DPYD: variants seen among roughly 807,000 people sequenced by gnomAD.
DPYD encodes the protein dihydropyrimidine dehydrogenase.
In DPYD, 109 loss-of-function variants were observed where a neutral mutation model predicts 116.2. That is an observed-to-expected ratio of 0.94 (90% CI 0.80 to 1.10). DPYD has a LOEUF of 1.10. DPYD is among the 50% of genes least tolerant of loss of function. The pLI is 0.00. For synonymous variants in DPYD, 440 were observed against 432.0 expected (o/e 1.02, Z -0.23); for missense variants, 1,302 against 1,254.5 (o/e 1.04, Z -0.57).
intron 14 of DPYD, among the ~76,000 whole-genome samples, chr1:97,395,614 T>A (rs559245840): frequency 6.6e-6 from 1 of 152,136 alleles, no homozygotes; most frequent in South Asian, 2.1e-4. Flanking sequence ...CGTGGTAGAT[T>A]GTTTGAAAAA....
intron 20 of DPYD, among the ~76,000 whole-genome samples, chr1:97,161,275 G>T: frequency 6.6e-6 from 1 of 152,196 alleles, no homozygotes; most frequent in East Asian, 1.9e-4. Flanking sequence ...CACTATTGTT[G>T]AATGTTTTCA....
rs1558015246 is a variant in DPYD, at chr1:97,306,251, A to G, written c.2105T>C (p.Val702Ala). The G allele has an allele frequency of 3.7e-6, 6 of 1,612,566 alleles. No individual in the cohort carries two copies. The highest frequency in any genetic ancestry group is 5.1e-6 in the Non-Finnish European group (6 of 1,178,938). Residue 702 changes from valine to alanine, a missense_variant, in exon 17 of 23, where the codon GTT (valine) becomes GCT (alanine). Val to Ala is a moderately conservative substitution (Grantham distance 64). Coordinates refer to ENST00000370192, the MANE Select transcript of DPYD (RefSeq NM_000110.4). ...CAGCTTGGCAAAAAAAGGAATCTGAACAGCTTGCCTAACCCAGCGGCAGAT... is the reference window on the plus strand; with the variant it reads ...CAGCTTGGCAAAAAAAGGAATCTGAGCAGCTTGCCTAACCCAGCGGCAGAT... The part of the protein sequence containing the change: ...RNICRWVRQA[V>A]QIPFFAKLTP...
At chr1:97,565,906 G>A (rs185636956) in intron 11 of DPYD, among the ~76,000 whole-genome samples, 7 of 152,232 alleles carry the variant, frequency 4.6e-5, no homozygotes, top group South Asian at 2.1e-4. Flanking sequence ...CATCATTTAC[G>A]AAGATGAGAA....
At chr1:97,742,707 G>C (rs1382609575) in intron 3 of DPYD, among the ~76,000 whole-genome samples, 1 of 152,276 alleles carries the variant, frequency 6.6e-6, no homozygotes, top group African/African-American at 2.4e-5. Flanking sequence ...ATGTGTAACT[G>C]TCATGTGGAT....
At position 97,515,945 on chromosome 1, in the gene DPYD, C is replaced by A. The variant is rs776943635; in HGVS notation, c.1525-4G>T. ...AAACGGAAGCTCCATATTGTGACTG[C>A]AAAATACAAACCAATACTTGGTTTC... On this transcript the variant is annotated splice_polypyrimidine_tract_variant and splice_region_variant and intron_variant, in intron 12 of 22. Transcript: ENST00000370192. 3.1e-6 allele frequency: 5 copies of A among 1,611,118 alleles called. No homozygotes were observed. Among genetic ancestry groups the A allele is most frequent in the South Asian group, 1.1e-5 (1 of 91,004 alleles).
At chr1:97,152,543 A>C (rs1655108024) in intron 20 of DPYD, among the ~76,000 whole-genome samples, 1 of 151,336 alleles carries the variant, frequency 6.6e-6, no homozygotes, top group Non-Finnish European at 1.5e-5. Flanking sequence ...TATCTATTAA[A>C]TTATAATATT....
intron 20 of DPYD, among the ~76,000 whole-genome samples, chr1:97,191,054 A>T (rs1170595179): frequency 1.3e-5 from 2 of 151,114 alleles, no homozygotes; most frequent in African/African-American, 4.8e-5. Context: ...AAAGACACAC[A>T]CACACATACA....
intron 18 of DPYD, among the ~76,000 whole-genome samples, chr1:97,237,476 A>T (rs1039054888): frequency 2.0e-5 from 3 of 152,144 alleles, no homozygotes; most frequent in African/African-American, 7.2e-5. Flanking sequence ...TTCATAATAG[A>T]CATTTTGGAT....
intron 8 of DPYD, among the ~76,000 whole-genome samples, chr1:97,599,920 C>A (rs1655144730): frequency 6.9e-6 from 1 of 144,576 alleles, no homozygotes; most frequent in Non-Finnish European, 1.5e-5. Flanking sequence ...CTGGCTCATG[C>A]CTGTAATCCC....
intron 13 of DPYD, 124 bp from the exon 14 acceptor site, chr1:97,450,347 T>G (rs1676344404): frequency 1.1e-6 from 1 of 950,648 alleles, no homozygotes. Flanking sequence ...CAGAGGAATT[T>G]TTAATATACA....
At chr1:97,556,927 C>T (rs1220412682) in intron 11 of DPYD, among the ~76,000 whole-genome samples, 1 of 150,336 alleles carries the variant, frequency 6.7e-6, no homozygotes, top group African/African-American at 2.4e-5. Context: ...TGAGGAATTG[C>T]CACACTGACT....
In DPYD at chr1:97,096,322, G is replaced by T. The variant is rs1019617624; in HGVS notation, c.2766+2167C>A. 3.9e-5 allele frequency among the ~76,000 whole-genome samples: 6 copies of T among 152,126 alleles called. No homozygotes were observed. The South Asian group carries it at 1.2e-3, about 32-fold the overall frequency. ...CTGAAAGATTTGAGGGCTAGAAAAG[G>T]TAAAAATGCTTTCATAATCATATTG... On this transcript the variant is annotated intron_variant, in intron 21 of 22. Transcript: ENST00000370192.
intron 13 of DPYD, among the ~76,000 whole-genome samples, chr1:97,487,564 T>C (rs1678717258): frequency 6.6e-6 from 1 of 152,008 alleles, no homozygotes; most frequent in African/African-American, 2.4e-5. Flanking sequence ...TCCCAGCTAC[T>C]CGGGAGGCTG....
intron 1 of DPYD, among the ~76,000 whole-genome samples, chr1:97,885,137 G>C (rs1050257885): frequency 1.3e-5 from 2 of 151,958 alleles, no homozygotes; most frequent in African/African-American, 4.8e-5. Context: ...AAGGGGACCT[G>C]AGAATGCAAT....
intron 20 of DPYD, among the ~76,000 whole-genome samples, chr1:97,160,872 T>A (rs1294175671): frequency 6.6e-6 from 1 of 152,168 alleles, no homozygotes; most frequent in Non-Finnish European, 1.5e-5. Context: ...AATTCAGGCC[T>A]GGTCACTATT....
At chr1:97,483,517 A>T (rs1214511602) in intron 13 of DPYD, among the ~76,000 whole-genome samples, 2 of 152,132 alleles carry the variant, frequency 1.3e-5, no homozygotes, top group African/African-American at 2.4e-5. Flanking sequence ...GGTGGGGAGA[A>T]CATTAGGGAA....
chr1:97,736,411 A>T (rs1417951304), intron 4 of DPYD, among the ~76,000 whole-genome samples: 1 of 152,118 alleles, frequency 6.6e-6, no homozygotes, highest in Non-Finnish European at 1.5e-5. Context: ...GCAACAAAAA[A>T]AAAACCCTTT....
chr1:97,860,771 T>C (rs892680642), intron 2 of DPYD, among the ~76,000 whole-genome samples: 1 of 151,872 alleles, frequency 6.6e-6, no homozygotes, highest in Admixed American at 6.6e-5. Flanking sequence ...AAAACAACTC[T>C]AGTAATTAAA....
At chr1:97,896,796 T>G (rs1335560229) in intron 1 of DPYD, among the ~76,000 whole-genome samples, 1 of 151,926 alleles carries the variant, frequency 6.6e-6, no homozygotes, top group Non-Finnish European at 1.5e-5. Flanking sequence ...ATAAATGGAA[T>G]CATACAATAT....
Sources: gnomAD v4.1 joint callset for allele counts (sites outside exome capture counted in the v4.1 genomes callset) on GRCh38, gnomAD v4.1.1 for gene constraint, MANE v1.5 for transcripts, NCBI Gene and HGNC (gene_info 2026-07-23, HGNC 2026-07-21) for gene names.